Variants in CSMD1 observed in about 807,000 individuals in gnomAD.
CSMD1 encodes CUB and Sushi multiple domains 1, also known as CUB and sushi domain-containing protein 1.
In CSMD1, 213 loss-of-function variants were observed where a neutral mutation model predicts 417.5. The observed-to-expected ratio is 0.51, with a 90% confidence interval of 0.46 to 0.57. The LOEUF (loss-of-function observed/expected upper bound fraction) is 0.57. Ranked by LOEUF, CSMD1 falls within the 20% of genes least tolerant of loss-of-function variation. CSMD1 has a pLI of 0.00. For synonymous variants in CSMD1, 2,862 were observed against 1,736.8 expected, an observed-to-expected ratio of 1.65 and a Z score of -16.11; for missense variants, 6,923 against 4,529.7, an observed-to-expected ratio of 1.53 and a Z score of -15.17.
At chr8:4,418,851 C>T (rs1013441014) in intron 3 of CSMD1, among the ~76,000 whole-genome samples, 3 of 152,124 alleles carry the variant, frequency 2.0e-5, no homozygotes, top group Admixed American at 6.6e-5. Flanking sequence ...CTGGCTTATG[C>T]ACAAATGCGG....
At chr8:3,761,505 T>TG (rs1472688312) in intron 5 of CSMD1, among the ~76,000 whole-genome samples, 1 of 129,918 alleles carries the variant, frequency 7.7e-6, no homozygotes. Flanking sequence ...CGACCATTTT[T>TG]TTTTTTTTTT....
intron 3 of CSMD1, among the ~76,000 whole-genome samples, chr8:4,071,360 C>A (rs185704249): frequency 2.4e-4 from 37 of 152,056 alleles, no homozygotes; most frequent in Non-Finnish European, 4.1e-4. Context: ...ACTCTTATGT[C>A]ATTTTGTATC....
intron 1 of CSMD1, among the ~76,000 whole-genome samples, chr8:4,863,052 G>A (rs1021607769): frequency 3.3e-5 from 5 of 152,054 alleles, no homozygotes; most frequent in African/African-American, 9.7e-5. Context: ...GACAATGTGA[G>A]GTCCCTGGTG....
At chr8:3,185,649 A>C (rs1476188508) in intron 36 of CSMD1, among the ~76,000 whole-genome samples, 2 of 152,224 alleles carry the variant, frequency 1.3e-5, no homozygotes, top group East Asian at 3.9e-4. Flanking sequence ...GCTTAATATG[A>C]GGTTGCTGTA....
At chr8:3,758,305 T>C (rs1180332687) in intron 5 of CSMD1, among the ~76,000 whole-genome samples, 4 of 152,218 alleles carry the variant, frequency 2.6e-5, no homozygotes, top group South Asian at 4.1e-4. Flanking sequence ...GTGAGGGCTT[T>C]AGACCAATTA....
chr8:4,794,839 A>T (rs1294122401), intron 1 of CSMD1, among the ~76,000 whole-genome samples: 5 of 152,162 alleles, frequency 3.3e-5, no homozygotes, highest in Non-Finnish European at 5.9e-5. Context: ...AGGAAAACTG[A>T]CCTCCAAGAC....
At position 4,199,023 on chromosome 8, in the gene CSMD1, C is replaced by G. The variant is rs562063213; in HGVS notation, c.416-166924G>C. Among the ~76,000 whole-genome samples the G allele has an allele frequency of 2.9e-3, 446 of 152,128 alleles. 1 individual carries two copies. The highest frequency in any genetic ancestry group is 3.9e-3 in the Non-Finnish European group (264 of 68,004). On this transcript the variant is annotated intron_variant, in intron 3 of 69. Transcript: ENST00000635120. ...AAATGAGCAAAGTTCACTTTCAATC[C>G]CCTATGTACAGTGAGCTCTCATCCT...
intron 1 of CSMD1, among the ~76,000 whole-genome samples, chr8:4,791,521 A>G (rs999932103): frequency 1.3e-5 from 2 of 152,156 alleles, no homozygotes; most frequent in African/African-American, 4.8e-5. Context: ...AATCCCCTAA[A>G]GTTGTATAAG....
intron 5 of CSMD1, among the ~76,000 whole-genome samples, chr8:3,762,337 G>C (rs1230942892): frequency 3.3e-5 from 5 of 152,120 alleles, no homozygotes; most frequent in South Asian, 2.1e-4. Context: ...TTAAATTTCA[G>C]ATCATGTGTT....
intron 1 of CSMD1, among the ~76,000 whole-genome samples, chr8:4,806,325 G>C (rs950978666): frequency 1.3e-5 from 2 of 152,140 alleles, no homozygotes; most frequent in Admixed American, 6.6e-5. Context: ...CACCCTAGAT[G>C]GGAGGCTGGC....
At chr8:4,214,774 T>C (rs1313846667) in intron 3 of CSMD1, among the ~76,000 whole-genome samples, 3 of 152,198 alleles carry the variant, frequency 2.0e-5, no homozygotes, top group African/African-American at 7.2e-5. Flanking sequence ...AATGCTGTGA[T>C]GCACATTTCA....
At chr8:4,371,039 T>C (rs866396463) in intron 3 of CSMD1, among the ~76,000 whole-genome samples, 3 of 152,218 alleles carry the variant, frequency 2.0e-5, no homozygotes, top group Admixed American at 6.5e-5. Flanking sequence ...GTTCATTCTC[T>C]TTTGTGAAGG....
chr8:3,457,388 T>G (rs1017964405), intron 12 of CSMD1, among the ~76,000 whole-genome samples: 1 of 152,202 alleles, frequency 6.6e-6, no homozygotes, highest in African/African-American at 2.4e-5. Context: ...CAGTCTCAGA[T>G]GGCACAAACT....
chr8:4,304,503 C>G (rs1160660154), intron 3 of CSMD1, among the ~76,000 whole-genome samples: 4 of 152,154 alleles, frequency 2.6e-5, no homozygotes, highest in Non-Finnish European at 5.9e-5. Context: ...AAACGTAAGC[C>G]TTACTGTTTC....
chr8:3,088,808 C>A lies in CSMD1; in HGVS notation c.7286-1523G>T, dbSNP rs142393049. The stretch of plus-strand genomic sequence containing the variant: ...GACAAAGTATGAGTACAATCAGGCA[C>A]CCTGAATATCAATGGCTTGGAATCA... On this transcript the variant is annotated intron_variant, in intron 48 of 69. Coordinates refer to ENST00000635120, the MANE Select transcript of CSMD1 (RefSeq NM_033225.6). 2.6e-3 allele frequency among the ~76,000 whole-genome samples: 387 copies of A among 146,638 alleles called. 4 individuals are homozygous for A. Among genetic ancestry groups the A allele is most frequent in the African/African-American group, 8.8e-3 (344 of 39,282 alleles).
At chr8:3,138,540 T>C (rs979965659) in intron 41 of CSMD1, among the ~76,000 whole-genome samples, 2 of 152,298 alleles carry the variant, frequency 1.3e-5, no homozygotes, top group African/African-American at 4.8e-5. Flanking sequence ...AAGAAGCACA[T>C]CAGAATTCAA....
At chr8:4,075,183 G>A (rs1049032692) in intron 3 of CSMD1, among the ~76,000 whole-genome samples, 8 of 152,116 alleles carry the variant, frequency 5.3e-5, no homozygotes, top group Non-Finnish European at 8.8e-5. Flanking sequence ...ATCCTTCCTT[G>A]TAGCACATTT....
At chr8:3,414,882 G>A (rs112539227) in intron 12 of CSMD1, among the ~76,000 whole-genome samples, 3 of 151,986 alleles carry the variant, frequency 2.0e-5, no homozygotes, top group Non-Finnish European at 4.4e-5. Context: ...GCGCTTGCTC[G>A]GGGATGGCCT....
At chr8:3,797,771 A>G (rs1253167230) in intron 5 of CSMD1, among the ~76,000 whole-genome samples, 3 of 151,994 alleles carry the variant, frequency 2.0e-5, no homozygotes, top group African/African-American at 2.4e-5. Context: ...ATTAAACGTG[A>G]TAAAACAGAA....
Sources: allele counts gnomAD v4.1 joint callset (sites outside exome capture counted in the v4.1 genomes callset), GRCh38; gene constraint gnomAD v4.1.1; transcripts MANE v1.5; gene names NCBI Gene and HGNC (gene_info 2026-07-23, HGNC 2026-07-21).